Variants in PTPRJ observed in about 807,000 individuals in gnomAD.
The protein encoded by PTPRJ is protein tyrosine phosphatase receptor type J, also known as receptor-type tyrosine-protein phosphatase eta.
PTPRJ carries 129 observed loss-of-function variants against 141.3 expected under a neutral mutation model. The observed-to-expected ratio is 0.91, with a 90% CI of 0.79 to 1.06. PTPRJ has a LOEUF of 1.06. PTPRJ is among the 50% of genes least tolerant of loss of function. The pLI is 0.00. For missense variants in PTPRJ, 1,601 were observed against 1,679.7 expected, an observed-to-expected ratio of 0.95 and a Z score of 0.82; for synonymous variants, 610 against 640.5, an observed-to-expected ratio of 0.95 and a Z score of 0.72.
At position 48,083,692 on chromosome 11, in the gene PTPRJ, C is replaced by T. The variant is rs750258114; in HGVS notation, c.97-26366C>T. Among the ~76,000 whole-genome samples, 3 of 152,206 alleles carry T rather than the reference C, an allele frequency of 2.0e-5. 1 individual carries two copies. Among genetic ancestry groups the T allele is most frequent in the Non-Finnish European group, 4.4e-5 (3 of 68,040 alleles). The stretch of plus-strand genomic sequence containing the variant: ...TGAGGTCAGGACATTGTTTTGTTCA[C>T]TCATGAATTCCCAGCACCCAGGACA... On this transcript the variant is annotated intron_variant, in intron 1 of 24. Coordinates refer to ENST00000418331, the MANE Select transcript of PTPRJ (RefSeq NM_002843.4).
At chr11:48,030,458 A>G (rs1351694145) in intron 1 of PTPRJ, among the ~76,000 whole-genome samples, 1 of 152,178 alleles carries the variant, frequency 6.6e-6, no homozygotes, top group Admixed American at 6.5e-5. Context: ...TGTCTGAGTC[A>G]TATGTTGGCA....
At chr11:48,019,661 C>T (rs1855057453) in intron 1 of PTPRJ, among the ~76,000 whole-genome samples, 1 of 152,150 alleles carries the variant, frequency 6.6e-6, no homozygotes. Flanking sequence ...CTTTCCCCTT[C>T]TAATTATTTA....
At chr11:48,009,026 G>A (rs976800949) in intron 1 of PTPRJ, among the ~76,000 whole-genome samples, 15 of 152,180 alleles carry the variant, frequency 9.9e-5, no homozygotes, top group African/African-American at 3.6e-4. Context: ...ACTCATCCTT[G>A]TATAAGATAA....
chr11:48,118,934 C>T (rs146430880), intron 3 of PTPRJ, among the ~76,000 whole-genome samples: 3,127 of 148,842 alleles, frequency 0.021, 44 homozygotes, highest in Non-Finnish European at 0.032. Context: ...GCAGGAGAAT[C>T]GCCTGAACCC....
At chr11:48,112,667 G>A (rs1292140094) in intron 2 of PTPRJ, 80 bp from the exon 3 acceptor site, 8 of 1,004,448 alleles carry the variant, frequency 8.0e-6, no homozygotes, top group Non-Finnish European at 9.3e-6. Context: ...TCATTTCAGT[G>A]TAAATATTTT....
At chr11:48,120,888 A>C in intron 3 of PTPRJ, 115 bp from the exon 4 acceptor site, 1 of 935,936 alleles carries the variant, frequency 1.1e-6, no homozygotes, top group Non-Finnish European at 1.6e-6. Flanking sequence ...AGGCAAAGAG[A>C]GATAAAACTC....
intron 1 of PTPRJ, among the ~76,000 whole-genome samples, chr11:47,986,852 A>C (rs1001392879): frequency 1.3e-5 from 2 of 152,186 alleles, no homozygotes; most frequent in African/African-American, 4.8e-5. Context: ...TCCACAGAGT[A>C]GTATGGAATA....
chr11:48,147,277 A>G (rs1219284326), intron 15 of PTPRJ, among the ~76,000 whole-genome samples: 1 of 152,220 alleles, frequency 6.6e-6, no homozygotes, highest in Non-Finnish European at 1.5e-5. Flanking sequence ...AGAGGTAGCT[A>G]AGTTTGAACA....
At chr11:48,100,439 C>T (rs186712871) in intron 1 of PTPRJ, among the ~76,000 whole-genome samples, 31 of 152,208 alleles carry the variant, frequency 2.0e-4, no homozygotes, top group Admixed American at 1.8e-3. Flanking sequence ...AAGTGCTTCA[C>T]GTAGATTATA....
At chr11:48,062,090 G>A (rs1252478620) in intron 1 of PTPRJ, among the ~76,000 whole-genome samples, 2 of 150,702 alleles carry the variant, frequency 1.3e-5, no homozygotes, top group South Asian at 4.2e-4. Flanking sequence ...TTTTTTGGTG[G>A]GTTTTGCTAT....
chr11:48,054,973 C>T (rs1257613675), intron 1 of PTPRJ, among the ~76,000 whole-genome samples: 1 of 151,962 alleles, frequency 6.6e-6, no homozygotes, highest in Non-Finnish European at 1.5e-5. Flanking sequence ...TTGCTTGAGT[C>T]TAGGAGTTCA....
At chr11:47,985,786 C>T (rs1484531267) in intron 1 of PTPRJ, among the ~76,000 whole-genome samples, 1 of 152,036 alleles carries the variant, frequency 6.6e-6, no homozygotes, top group Non-Finnish European at 1.5e-5. Flanking sequence ...CTGCAACCTC[C>T]ATCTCCCGGG....
At chr11:48,120,451 G>A (rs931055233) in intron 3 of PTPRJ, among the ~76,000 whole-genome samples, 6 of 152,098 alleles carry the variant, frequency 3.9e-5, no homozygotes, top group African/African-American at 1.4e-4. Context: ...TTGAGATGGA[G>A]TCTCGGTCTT....
At chr11:48,035,019 T>C (rs1323813234) in intron 1 of PTPRJ, among the ~76,000 whole-genome samples, 1 of 152,198 alleles carries the variant, frequency 6.6e-6, no homozygotes, top group Non-Finnish European at 1.5e-5. Context: ...GAATTCAAAC[T>C]CGAGTTTGTC....
At chr11:48,004,957 C>T (rs1345506772) in intron 1 of PTPRJ, among the ~76,000 whole-genome samples, 1 of 152,124 alleles carries the variant, frequency 6.6e-6, no homozygotes, top group Non-Finnish European at 1.5e-5. Flanking sequence ...CGCAGTGGCT[C>T]ATGCCTGTAA....
At chr11:48,009,275 G>A (rs1025354491) in intron 1 of PTPRJ, among the ~76,000 whole-genome samples, 1 of 152,132 alleles carries the variant, frequency 6.6e-6, no homozygotes, top group Non-Finnish European at 1.5e-5. Context: ...TTAAAGACGC[G>A]AGCTTCAAAG....
chr11:48,033,471 G>T (rs750058330), intron 1 of PTPRJ, among the ~76,000 whole-genome samples: 15 of 152,244 alleles, frequency 9.9e-5, no homozygotes, highest in Admixed American at 2.6e-4. Context: ...GATGGGACTG[G>T]CCAGGTGGTG....
intron 1 of PTPRJ, among the ~76,000 whole-genome samples, chr11:48,022,726 C>G (rs1030789831): frequency 6.6e-6 from 1 of 151,946 alleles, no homozygotes; most frequent in Non-Finnish European, 1.5e-5. Flanking sequence ...GGACCTCCAT[C>G]CTTGCTTCAG....
In PTPRJ at chr11:48,024,733, T is replaced by A. The variant is rs117987599; in HGVS notation, c.96+43725T>A. 4.5e-3 allele frequency among the ~76,000 whole-genome samples: 679 copies of A among 152,360 alleles called. 5 individuals carry two copies. The highest frequency in any genetic ancestry group is 7.3e-3 in the Non-Finnish European group (498 of 68,026). On this transcript the variant is annotated intron_variant, in intron 1 of 24. Coordinates refer to ENST00000418331, the MANE Select transcript of PTPRJ (RefSeq NM_002843.4). ...TGGTTGTAGAATGTATGTGGATTGCTGAGTTTCACGCATGAGCTGTGTTGT... is the reference window on the plus strand; with the variant it reads ...TGGTTGTAGAATGTATGTGGATTGCAGAGTTTCACGCATGAGCTGTGTTGT...
Sources: allele counts gnomAD v4.1 joint callset (sites outside exome capture counted in the v4.1 genomes callset), GRCh38; gene constraint gnomAD v4.1.1; transcripts MANE v1.5; gene names NCBI Gene and HGNC (gene_info 2026-07-23, HGNC 2026-07-21).